The following MYH6 variants were observed in gnomAD, a reference collection of about 807,000 sequenced individuals.
The protein encoded by MYH6 is myosin-6.
Under a neutral mutation model 223.2 loss-of-function variants are expected in MYH6, and 126 were observed. The ratio of observed to expected loss-of-function variants is 0.56; its 90% CI spans 0.49 to 0.65. The LOEUF (loss-of-function observed/expected upper bound fraction) is 0.65, where lower values mean the gene tolerates loss of function less well. Among genes scored for constraint, MYH6 ranks in the 30% least tolerant of loss-of-function variants. The pLI is 0.00. For synonymous variants in MYH6, 978 were observed against 1,010.2 expected, an observed-to-expected ratio of 0.97 and a Z score of 0.61; for missense variants, 2,040 against 2,536.4, an observed-to-expected ratio of 0.80 and a Z score of 4.20.
rs776607405 is a variant in MYH6 at position 23,390,164 on chromosome 14, T to G, written c.3625A>C (p.Ile1209Leu). 1.2e-6 allele frequency: 2 copies of G among 1,609,584 alleles called. No individual in the cohort carries two copies. The highest frequency in any genetic ancestry group is 2.7e-5 in the African/African-American group (2 of 74,598). Residue 1209 changes from isoleucine to leucine, a missense_variant, in exon 26 of 39, where the codon ATC (isoleucine) becomes CTC (leucine). By Grantham distance (5) the Ile-to-Leu change is conservative. Coordinates refer to ENST00000405093, the MANE Select transcript of MYH6 (RefSeq NM_002471.4). ...ADSVAELGEQ[I>L]DNLQRVKQKL... ...TGCTTCACCCGCTGCAGGTTGTCGA[T>G]CTGCTCGCCCAGCTCGGCCACGCTG...
At position 23,385,925 on chromosome 14, in the gene MYH6, C is replaced by A; in HGVS notation, c.5163+3G>T. The A allele has an allele frequency of 6.2e-7, 1 of 1,614,220 alleles. No homozygotes were observed. The highest frequency in any genetic ancestry group is 8.5e-7 in the Non-Finnish European group (1 of 1,180,044). On this transcript the variant is annotated splice_donor_region_variant and intron_variant, in intron 34 of 38. Transcript: ENST00000405093. ...TCCACAAGGTGGCTCCTGACCCCCT[C>A]ACCTGGGAATGCAGCAGCTGCACCC... is the stretch of plus-strand genomic sequence containing the variant.
At chr14:23,382,664 T>C (rs182234758) in intron 37 of MYH6, 102 bp from the exon 38 acceptor site, 2 of 1,557,502 alleles carry the variant, frequency 1.3e-6, no homozygotes, top group Non-Finnish European at 1.8e-6. Context: ...GAGGCACCCA[T>C]ACCTCATGCA....
chr14:23,384,798 C>G, intron 35 of MYH6, 81 bp from the exon 36 acceptor site: 1 of 1,613,556 alleles, frequency 6.2e-7, no homozygotes, highest in Non-Finnish European at 8.5e-7. Context: ...TTTCTCCCAT[C>G]AGGCCCTCAA....
At position 23,405,024 on chromosome 14, in the gene MYH6, C is replaced by T. The variant is rs1168986141; in HGVS notation, c.530+76G>A. On this transcript the variant is annotated intron_variant, in intron 6 of 38. Transcript: ENST00000405093. The surrounding 1 kb of genome is among the most constrained non-coding windows in gnomAD (Gnocchi z 4.7). ...CTGCAATCCCAGCCTTAAACCTCTC[C>T]TCCCAACTACACCCTAGGCATCAGC... 1.9e-6 allele frequency: 3 copies of T among 1,606,752 alleles called. No individual in the cohort carries two copies. The highest frequency in any genetic ancestry group is 1.3e-5 in the African/African-American group (1 of 74,878).
chr14:23,396,272 C>T lies in MYH6; in HGVS notation c.2429+12G>A. The T allele has an allele frequency of 6.2e-7, 1 of 1,614,098 alleles. No homozygotes were observed. Among genetic ancestry groups the T allele is most frequent in the Non-Finnish European group, 8.5e-7 (1 of 1,180,032 alleles). ...ATCTCTAGTGCATGCCTCCCTTTTC[C>T]TCCTGTCTCACCTGCGTTCCACTAT... On this transcript the variant is annotated intron_variant, in intron 20 of 38. Coordinates refer to ENST00000405093, the MANE Select transcript of MYH6 (RefSeq NM_002471.4).
rs1323504358 is a variant in MYH6 at position 23,404,387 on chromosome 14, C to A, written c.644G>T (p.Gly215Val). ...GKKDNANANK[G>V]TLEDQIIQAN... The stretch of plus-strand genomic sequence containing the variant: ...CTGGATGATCTGGTCCTCCAGGGTG[C>A]CCTATGAAAGGAGCAGAACTGCATG... Residue 215 changes from glycine (G) to valine (V), a missense_variant and splice_region_variant, in exon 8 of 39, where the codon GGC becomes GTC. Gly to Val is a moderately radical substitution (Grantham distance 109). Around this residue, in one of 4 missense-constraint regions of MYH6, gnomAD observed 649 missense variants for 877.3 expected, o/e 0.74. Transcript: ENST00000405093. 1 of 1,614,066 alleles carries A rather than the reference C, an allele frequency of 6.2e-7. No individual in the cohort carries two copies.
At position 23,408,266 on chromosome 14, in the gene MYH6, GTCTC is replaced by G. The variant is rs1218275350; in HGVS notation, c.-64_-61del. 7.1e-6 allele frequency: 7 copies of G among 985,462 alleles called. No homozygotes were observed. The highest frequency in any genetic ancestry group is 8.4e-6 in the Non-Finnish European group (7 of 829,958). The allele number at this position is 985,462 out of a possible 1,614,324, so 61.0% of individuals were successfully genotyped here. A position where few individuals can be genotyped will look rare whatever the true frequency, so the allele number is the denominator to read the frequency against. On this transcript the variant is annotated 5_prime_UTR_variant, in exon 1 of 39. Coordinates refer to ENST00000405093, the MANE Select transcript of MYH6 (RefSeq NM_002471.4). ...ACCTCCTCTTACCTGGGCCGCAGGA[GTCTC>G]TCTATCTGTCCTCAAAGCTCCAGTT...
At position 23,400,751 on chromosome 14, in the gene MYH6, G is replaced by A. The variant is rs1060504231; in HGVS notation, c.1368C>T (p.Tyr456=). 1 of 1,614,134 alleles carries A rather than the reference G, an allele frequency of 6.2e-7. No individual in the cohort carries two copies. Among genetic ancestry groups the A allele is most frequent in the African/African-American group, 1.3e-5 (1 of 74,954 alleles). The change falls in exon 13 of 39, where the codon TAC becomes TAT. Residue 456 remains tyrosine, a synonymous_variant. Transcript: ENST00000405093. ...CAGCGATGTCCAGGACTCCTATGAA[G>A]TACTGGCGTGGCTGCTTGGTCTCCA... is the stretch of plus-strand genomic sequence containing the variant. ...ATLETKQPRQ[Y]FIGVLDIAGF...
At position 23,386,310 on chromosome 14, in the gene MYH6, T is replaced by A. The variant is rs981840089; in HGVS notation, c.4959+5A>T. On this transcript the variant is annotated splice_donor_5th_base_variant and intron_variant, in intron 33 of 38. Transcript: ENST00000405093. Reference sequence around the variant, plus strand: ...CCCCTGAGGGGACCTCCCGCCCCCATGTACCTTCAGCAAGCTCTGGAGGCT... The same window carrying A: ...CCCCTGAGGGGACCTCCCGCCCCCAAGTACCTTCAGCAAGCTCTGGAGGCT... 5.6e-6 allele frequency: 9 copies of A among 1,614,098 alleles called. No homozygotes were observed. The highest frequency in any genetic ancestry group is 7.6e-6 in the Non-Finnish European group (9 of 1,180,010).
intron 16 of MYH6, 82 bp from the exon 17 acceptor site, chr14:23,397,339 C>A: frequency 7.1e-7 from 1 of 1,406,096 alleles, no homozygotes; most frequent in East Asian, 2.3e-5. Flanking sequence ...AGACACTCTC[C>A]ACCAGAATCA....
Position 23,383,326 on chromosome 14 carries a change from G to T in MYH6, c.5566-6C>A. ...TTCTTTTTGTCTTCCTCTGTCTGGG[G>T]GTGGGAGGGTGGGAGAAGCTGGTTT... On this transcript the variant is annotated splice_polypyrimidine_tract_variant and splice_region_variant and intron_variant, in intron 36 of 38. Coordinates refer to ENST00000405093, the MANE Select transcript of MYH6 (RefSeq NM_002471.4). The T allele has an allele frequency of 8.6e-7, 1 of 1,164,866 alleles. No individual in the cohort carries two copies. Among genetic ancestry groups the T allele is most frequent in the Non-Finnish European group, 1.2e-6 (1 of 811,632 alleles). 72.2% of individuals were successfully genotyped at this position (1,164,866 alleles called of 1,614,324 possible). A position where few individuals can be genotyped will look rare whatever the true frequency, so the allele number is the denominator to read the frequency against.
At position 23,384,404 on chromosome 14, in the gene MYH6, C is replaced by G. The variant is rs372835955; in HGVS notation, c.5565+38G>C. On this transcript the variant is annotated intron_variant, in intron 36 of 38. Transcript: ENST00000405093. Reference sequence around the variant, plus strand: ...CGGGGCAGTGGGGCCAGAGAAGAAACTTCCACATCTACTCCTGGTGTCTGG... The same window carrying G: ...CGGGGCAGTGGGGCCAGAGAAGAAAGTTCCACATCTACTCCTGGTGTCTGG... 9.3e-6 allele frequency: 15 copies of G among 1,605,150 alleles called. No individual in the cohort carries two copies. In the South Asian group the frequency reaches 1.6e-4, roughly 18 times the overall value.
In MYH6 at chr14:23,392,966, T is replaced by A. The variant is rs1245135546; in HGVS notation, c.3197A>T (p.Glu1066Val). The change falls in exon 24 of 39, where the codon GAG (glutamate) becomes GTG (valine). Residue 1066 changes from glutamate (E) to valine (V), a missense_variant. By Grantham distance (121) the Glu-to-Val change is moderately radical. Around this residue, in one of 4 missense-constraint regions of MYH6, gnomAD observed 1,203 missense variants for 1,400.2 expected, o/e 0.86. Transcript: ENST00000405093. ...ATCATTTTCCAGGTCCATGATGCTC[T>A]CCTGGGTCAGCTTCAGGTCGCCCTC... ...KLEGDLKLTQ[E>V]SIMDLENDKL... The A allele has an allele frequency of 6.2e-7, 1 of 1,614,106 alleles. No homozygotes were observed. The highest frequency in any genetic ancestry group is 8.5e-7 in the Non-Finnish European group (1 of 1,180,046).
In MYH6 at chr14:23,385,920, C is replaced by G; in HGVS notation, c.5163+8G>C. The G allele has an allele frequency of 6.2e-7, 1 of 1,614,162 alleles. No homozygotes were observed. The highest frequency in any genetic ancestry group is 8.5e-7 in the Non-Finnish European group (1 of 1,180,024). ...AGGTTTCCACAAGGTGGCTCCTGAC[C>G]CCCTCACCTGGGAATGCAGCAGCTG... On this transcript the variant is annotated splice_region_variant and intron_variant, in intron 34 of 38. Transcript: ENST00000405093.
chr14:23,390,126 C>T lies in MYH6; in HGVS notation c.3663G>A (p.Lys1221=), dbSNP rs1359883186. The change falls in exon 26 of 39, where the codon AAG becomes AAA. Residue 1221 remains lysine (K), a synonymous_variant. Transcript: ENST00000405093. ...GCTCCAGCTTGAACTCGCTCTTCTCCTTCTCCAGCTTCTGCTTCACCCGCT... is the reference window on the plus strand; with the variant it reads ...GCTCCAGCTTGAACTCGCTCTTCTCTTTCTCCAGCTTCTGCTTCACCCGCT... ...NLQRVKQKLE[K]EKSEFKLELD... 1.2e-6 allele frequency: 2 copies of T among 1,611,842 alleles called. No homozygotes were observed. Among genetic ancestry groups the T allele is most frequent in the African/African-American group, 2.7e-5 (2 of 74,722 alleles).
At chr14:23,393,176 C>A (rs1891289726) in intron 23 of MYH6, 119 bp from the exon 24 acceptor site, 3 of 1,503,396 alleles carry the variant, frequency 2.0e-6, no homozygotes, top group African/African-American at 2.8e-5. Flanking sequence ...ACAGAGAAAT[C>A]CTGCAAGCAC....
At chr14:23,402,202 G>T (rs2138614544) in intron 12 of MYH6, among the ~76,000 whole-genome samples, 1 of 152,354 alleles carries the variant, frequency 6.6e-6, no homozygotes. Flanking sequence ...GCAGAGCTCA[G>T]GGGCTGTGCT....
Position 23,402,405 on chromosome 14 carries a change from C to T in MYH6, c.1141+59G>A, listed in dbSNP as rs561957362. ...CTCAGAGTCTCTGGGATCTGAGTCC[C>T]GCAGAGAGCCTGGTCAGCACCTCAG... On this transcript the variant is annotated intron_variant, in intron 12 of 38. Transcript: ENST00000405093. The T allele has an allele frequency of 1.1e-3, 1,749 of 1,607,312 alleles. 6 individuals are homozygous for T. The highest frequency in any genetic ancestry group is 1.2e-3 in the Non-Finnish European group (1,385 of 1,179,202).
At chr14:23,404,223 G>T in intron 8 of MYH6, 73 bp downstream of exon 8, 1 of 1,509,614 alleles carries the variant, frequency 6.6e-7, no homozygotes, top group Non-Finnish European at 9.2e-7. Context: ...AATCAACTGG[G>T]TGTGGCAAAA....
Sources: gnomAD v4.1 joint callset for allele counts (sites outside exome capture counted in the v4.1 genomes callset) on GRCh38, gnomAD v4.1.1 for gene constraint, gnomAD v4.1.1 regional missense constraint, Gnocchi (gnomAD v3.1) non-coding constraint, MANE v1.5 for transcripts, NCBI Gene and HGNC (gene_info 2026-07-23, HGNC 2026-07-21) for gene names.